ATP10B: variants seen among roughly 807,000 people sequenced by gnomAD.
The protein encoded by ATP10B is ATPase phospholipid transporting 10B (putative).
Under a neutral mutation model 141.2 loss-of-function variants are expected in ATP10B, and 122 were observed. That is an observed-to-expected ratio of 0.86 (90% confidence interval 0.75 to 1.00). The LOEUF (loss-of-function observed/expected upper bound fraction) is 1.00. Ranked by LOEUF, ATP10B falls within the 50% of genes least tolerant of loss-of-function variation. ATP10B has a pLI of 0.00. For missense variants in ATP10B, 1,876 were observed against 1,825.3 expected, an observed-to-expected ratio of 1.03 and a Z score of -0.51; for synonymous variants, 685 against 692.0, an observed-to-expected ratio of 0.99 and a Z score of 0.16.
intron 2 of ATP10B, among the ~76,000 whole-genome samples, chr5:160,752,210 CTA>C (rs1332286614): frequency 8.0e-6 from 1 of 125,292 alleles, no homozygotes; most frequent in African/African-American, 3.0e-5. Flanking sequence ...AAAACAAAAA[CTA>C]TATGATTTCT....
chr5:160,793,062 G>A (rs993750747), intron 1 of ATP10B, among the ~76,000 whole-genome samples: 9 of 152,040 alleles, frequency 5.9e-5, no homozygotes, highest in Admixed American at 2.6e-4. Context: ...ATTTTTAATC[G>A]GGAGTATGTT....
chr5:160,613,136 TGAAA>T (rs1757813483), intron 17 of ATP10B, among the ~76,000 whole-genome samples: 1 of 152,126 alleles, frequency 6.6e-6, no homozygotes, highest in South Asian at 2.1e-4. Flanking sequence ...AGCTATATAA[TGAAA>T]GAAAGTCAGG....
At chr5:160,838,772 G>T (rs970503958) in intron 1 of ATP10B, among the ~76,000 whole-genome samples, 1 of 152,164 alleles carries the variant, frequency 6.6e-6, no homozygotes, top group Non-Finnish European at 1.5e-5. Flanking sequence ...ATGTCATTTG[G>T]ACATTTGTCC....
intron 2 of ATP10B, among the ~76,000 whole-genome samples, chr5:160,735,803 C>A (rs1767077457): frequency 6.6e-6 from 1 of 151,940 alleles, no homozygotes; most frequent in Admixed American, 6.5e-5. Flanking sequence ...TCTTGTCTGA[C>A]CACAATGGAA....
intron 2 of ATP10B, 54 bp from the exon 3 acceptor site, chr5:160,717,088 T>TA: frequency 1.0e-6 from 1 of 972,528 alleles, no homozygotes; most frequent in Non-Finnish European, 1.2e-6. Context: ...CAGTTATAAA[T>TA]GCTATTTATA....
intron 2 of ATP10B, among the ~76,000 whole-genome samples, chr5:160,764,411 C>T (rs751001651): frequency 2.6e-5 from 4 of 151,968 alleles, no homozygotes; most frequent in South Asian, 4.1e-4. Context: ...TTTAACTATA[C>T]GCAAGTCAAT....
chr5:160,859,063 G>A, the ATP10B span, among the ~76,000 whole-genome samples: 1 of 151,358 alleles, frequency 6.6e-6, no homozygotes, highest in Non-Finnish European at 1.5e-5. Context: ...TTTCCTTTTT[G>A]TTTAGAGAAC....
intron 1 of ATP10B, among the ~76,000 whole-genome samples, chr5:160,795,440 C>T (rs1343802803): frequency 1.3e-5 from 2 of 152,088 alleles, no homozygotes; most frequent in African/African-American, 4.8e-5. Flanking sequence ...GTACCTGGCC[C>T]CTTTGTTTTC....
chr5:160,821,242 G>A (rs1774077503), intron 1 of ATP10B, among the ~76,000 whole-genome samples: 1 of 151,924 alleles, frequency 6.6e-6, no homozygotes, highest in South Asian at 2.1e-4. Context: ...AAAAAGAAAT[G>A]TAACAAGTAA....
intron 2 of ATP10B, among the ~76,000 whole-genome samples, chr5:160,763,978 AAAT>A (rs1303030385): frequency 1.3e-5 from 2 of 152,162 alleles, no homozygotes; most frequent in African/African-American, 2.4e-5. Flanking sequence ...AAATTCCTGG[AAAT>A]ATACAACCCT....
At chr5:160,599,060 G>T in intron 21 of ATP10B, 90 bp from the exon 22 acceptor site, 1 of 1,172,212 alleles carries the variant, frequency 8.5e-7, no homozygotes, top group Non-Finnish European at 1.2e-6. Context: ...CTGCTGGAGT[G>T]GCAGTTGCCT....
chr5:160,653,598 CATATATACATATATACATATATATT>C (rs1561705061), intron 7 of ATP10B, among the ~76,000 whole-genome samples: 36,188 of 79,926 alleles, frequency 0.45, 10,959 homozygotes, highest in Middle Eastern at 0.61. Flanking sequence ...TACATATATA[CATATATACATATATACATATATATT>C]ATATATACAT....
chr5:160,683,018 G>A (rs1191701369), intron 6 of ATP10B, among the ~76,000 whole-genome samples: 3 of 114,874 alleles, frequency 2.6e-5, no homozygotes, highest in South Asian at 2.9e-4. Flanking sequence ...CAGCCTGGGC[G>A]ACAGACCAAG....
rs748491221 is a variant in ATP10B, at chr5:160,620,449, T to C, written c.2314A>G (p.Arg772Gly). The C allele has an allele frequency of 3.1e-6, 5 of 1,614,190 alleles. No individual in the cohort carries two copies. The highest frequency in any genetic ancestry group is 4.2e-6 in the Non-Finnish European group (5 of 1,180,010). ...GGGTGCCTCACAACCACAGACATTCTCTTCCTGACAGAGTCAAAGCCCAGG... is the reference window on the plus strand; with the variant it reads ...GGGTGCCTCACAACCACAGACATTCCCTTCCTGACAGAGTCAAAGCCCAGG... ...CTLGFDSVRK[R>G]MSVVVRHPLT... Residue 772 changes from arginine to glycine, a missense_variant, in exon 15 of 26, where the codon AGA (arginine) becomes GGA (glycine). By Grantham distance (125) the Arg-to-Gly change is moderately radical. Transcript: ENST00000327245.
intron 3 of ATP10B, among the ~76,000 whole-genome samples, chr5:160,697,242 C>T (rs1764421348): frequency 6.6e-6 from 1 of 152,100 alleles, no homozygotes; most frequent in Non-Finnish European, 1.5e-5. Context: ...TTGAAAGACC[C>T]TCCATAAGTT....
intron 1 of ATP10B, among the ~76,000 whole-genome samples, chr5:160,817,465 A>G (rs1245685847): frequency 6.6e-6 from 1 of 152,208 alleles, no homozygotes; most frequent in African/African-American, 2.4e-5. Flanking sequence ...GACCTCTTCA[A>G]TAACTACAAA....
At position 160,612,842 on chromosome 5, in the gene ATP10B, C is replaced by T; in HGVS notation, c.2737G>A (p.Val913Ile). 3.1e-6 allele frequency: 5 copies of T among 1,614,104 alleles called. No individual in the cohort carries two copies. The highest frequency in any genetic ancestry group is 4.2e-6 in the Non-Finnish European group (5 of 1,179,988). ...TLREAGIQLWVLTGDKQETAV... is the reference protein window; with the variant it reads ...TLREAGIQLWILTGDKQETAV... ...GTCTCCTGCTTATCTCCAGTCAGGACCCAGAGCTGGATCCCAGCCTCCCGC... is the reference window on the plus strand; with the variant it reads ...GTCTCCTGCTTATCTCCAGTCAGGATCCAGAGCTGGATCCCAGCCTCCCGC... The change falls in exon 18 of 26, where the codon GTC (valine) becomes ATC (isoleucine). Residue 913 changes from valine to isoleucine, a missense_variant. Val to Ile is a conservative substitution (Grantham distance 29, BLOSUM62 3). Transcript: ENST00000327245.
At chr5:160,681,230 C>T (rs1464728461) in intron 6 of ATP10B, among the ~76,000 whole-genome samples, 1 of 152,160 alleles carries the variant, frequency 6.6e-6, no homozygotes, top group African/African-American at 2.4e-5. Context: ...GAGGGTCATC[C>T]TAGAACCTTT....
intron 2 of ATP10B, among the ~76,000 whole-genome samples, chr5:160,731,172 A>T (rs987601266): frequency 1.3e-5 from 2 of 152,216 alleles, no homozygotes; most frequent in Non-Finnish European, 2.9e-5. Flanking sequence ...AAATATTAAA[A>T]GTCTTAAACC....
Sources: gnomAD v4.1 joint callset for allele counts (sites outside exome capture counted in the v4.1 genomes callset) on GRCh38, gnomAD v4.1.1 for gene constraint, MANE v1.5 for transcripts, NCBI Gene and HGNC (gene_info 2026-07-23, HGNC 2026-07-21) for gene names.